LUZP1: variants seen among roughly 807,000 people sequenced by gnomAD.
LUZP1 encodes leucine zipper protein 1.
LUZP1 carries 25 observed loss-of-function variants against 71.3 expected under a neutral mutation model. The observed-to-expected ratio is 0.35, with a 90% CI of 0.26 to 0.49. The LOEUF (loss-of-function observed/expected upper bound fraction) is 0.49. Among genes scored for constraint, LUZP1 ranks in the 20% least tolerant of loss-of-function variants. The pLI, the probability that LUZP1 is intolerant of heterozygous loss-of-function variation, is 0.99. For synonymous variants in LUZP1, 481 were observed against 506.4 expected, an observed-to-expected ratio of 0.95 and a Z score of 0.67; for missense variants, 1,142 against 1,300.8, an observed-to-expected ratio of 0.88 and a Z score of 1.88.
At position 23,103,891 on chromosome 1, in the gene LUZP1, AGAGGGAGGGAGGGGGGAAG is replaced by A. The variant is rs1643956160; in HGVS notation, c.-120+5112_-120+5130del. ...GGGAGGGAGGGAGGGAGAGAGGGAG[AGAGGGAGGGAGGGGGGAAG>A]GAGGGAGGGAGGGGGGGAAGGAGGG... On this transcript the variant is annotated intron_variant, in intron 3 of 4. Transcript: ENST00000302291. Among the ~76,000 whole-genome samples, 6 of 7,252 alleles carry A rather than the reference AGAGGGAGGGAGGGGGGAAG, an allele frequency of 8.3e-4. 1 individual carries two copies. Among genetic ancestry groups the A allele is most frequent in the Admixed American group, 1.6e-3 (1 of 610 alleles). 4.8% of individuals were successfully genotyped at this position (7,252 alleles called of 152,430 possible).
exon 4 of LUZP1, chr1:23,091,840 C>T: frequency 6.2e-7 from 1 of 1,614,156 alleles, no homozygotes; most frequent in Admixed American, 1.7e-5. Context: ...CCCGGAGCAG[C>T]TCTGGGGCTG....
chr1:23,090,667 CTAAAA>C, intron 4 of LUZP1: 1 of 597,896 alleles, frequency 1.7e-6, no homozygotes, highest in Non-Finnish European at 3.0e-6. Flanking sequence ...ATACGCTTAT[CTAAAA>C]TAGGCCCAGT....
intron 2 of LUZP1, among the ~76,000 whole-genome samples, chr1:23,148,192 G>A (rs527336696): frequency 3.3e-5 from 5 of 152,226 alleles, no homozygotes; most frequent in South Asian, 2.1e-4. Flanking sequence ...GATAAAGACC[G>A]ACCCGGAACC....
intron 2 of LUZP1, among the ~76,000 whole-genome samples, chr1:23,150,507 G>C (rs995641601): frequency 3.3e-5 from 5 of 152,138 alleles, no homozygotes; most frequent in Non-Finnish European, 7.3e-5. Flanking sequence ...TAAGAACTTA[G>C]GACTTTGCTC....
chr1:23,084,541 T>A (rs1434453926), exon 5 of LUZP1: 1 of 152,186 alleles, frequency 6.6e-6, no homozygotes. Context: ...CCATATAAGA[T>A]GATAAAAACA....
At chr1:23,171,053 G>A (rs1041795567) in intron 1 of LUZP1, among the ~76,000 whole-genome samples, 6 of 149,582 alleles carry the variant, frequency 4.0e-5, no homozygotes, top group African/African-American at 1.2e-4. Context: ...TAATGCCACC[G>A]CACTACAGCC....
intron 2 of LUZP1, among the ~76,000 whole-genome samples, chr1:23,138,633 A>G (rs1438687389): frequency 1.3e-5 from 2 of 150,954 alleles, no homozygotes; most frequent in Non-Finnish European, 2.9e-5. Context: ...ATACACATAA[A>G]ATGATTTTTA....
chr1:23,166,048 C>CAAAAAAAAAAAAA (rs76454136), intron 2 of LUZP1, among the ~76,000 whole-genome samples: 1 of 98,534 alleles, frequency 1.0e-5, no homozygotes. Context: ...GTCTTTTTAC[C>CAAAAAAAAAAAAA]AAAAAAAAAA....
chr1:23,152,821 G>GT (rs1557685185), intron 2 of LUZP1, among the ~76,000 whole-genome samples: 2 of 152,056 alleles, frequency 1.3e-5, no homozygotes, highest in African/African-American at 2.4e-5. Context: ...GTGGGCCACC[G>GT]TTCCCGGCCA....
chr1:23,109,424 T>C (rs1052860460), intron 2 of LUZP1, among the ~76,000 whole-genome samples: 9 of 152,172 alleles, frequency 5.9e-5, no homozygotes, highest in African/African-American at 1.7e-4. Context: ...CGAACATTCC[T>C]CAACAGTCTA....
At chr1:23,139,019 A>AAAAAAAAAAAATAT (rs1317355746) in intron 2 of LUZP1, among the ~76,000 whole-genome samples, 11 of 59,948 alleles carry the variant, frequency 1.8e-4, no homozygotes, top group Non-Finnish European at 2.1e-4. Context: ...AAAAAAAAAA[A>AAAAAAAAAAAATAT]ATATATATAT....
intron 3 of LUZP1, among the ~76,000 whole-genome samples, chr1:23,101,941 T>C (rs555550811): frequency 6.6e-6 from 1 of 152,260 alleles, no homozygotes; most frequent in South Asian, 2.1e-4. Flanking sequence ...ATCATACAGA[T>C]ATAACCAATC....
chr1:23,089,779 A>G, intron 4 of LUZP1, among the ~76,000 whole-genome samples: 1 of 144,664 alleles, frequency 6.9e-6, no homozygotes, highest in African/African-American at 2.6e-5. Context: ...TCTTTTTTTG[A>G]GACGTCATTT....
At chr1:23,139,640 A>G (rs1459789855) in intron 2 of LUZP1, among the ~76,000 whole-genome samples, 1 of 152,184 alleles carries the variant, frequency 6.6e-6, no homozygotes, top group Non-Finnish European at 1.5e-5. Flanking sequence ...ACAAGTATAT[A>G]ATACATACAA....
chr1:23,113,633 G>A (rs1644052912), intron 2 of LUZP1, among the ~76,000 whole-genome samples: 1 of 152,128 alleles, frequency 6.6e-6, no homozygotes, highest in South Asian at 2.1e-4. Flanking sequence ...TGTAATCTCA[G>A]CACTTTGGGT....
At chr1:23,100,936 A>G (rs1267853398) in intron 3 of LUZP1, among the ~76,000 whole-genome samples, 1 of 152,246 alleles carries the variant, frequency 6.6e-6, no homozygotes, top group African/African-American at 2.4e-5. Context: ...GCAGTTTAGC[A>G]AAAGTCAAGG....
Position 23,093,478 on chromosome 1 carries a change from C to T in LUZP1, c.784G>A (p.Asp262Asn). ...TCATTCTCTACCTGCTTTAGGTAGT[C>T]CAGACCACCCTTCCTTCTTGATTCT... The change falls in exon 4 of 5, where the codon GAC (aspartate) becomes AAC (asparagine). Residue 262 changes from aspartate to asparagine, a missense_variant. Transcript: ENST00000302291. This position sits in a 1 kb window ranked among gnomAD's most constrained non-coding sequence, Gnocchi z 4.2. The T allele has an allele frequency of 1.2e-6, 2 of 1,612,740 alleles. No homozygotes were observed.
chr1:23,128,849 T>A (rs1225222364), intron 2 of LUZP1, among the ~76,000 whole-genome samples: 1 of 152,232 alleles, frequency 6.6e-6, no homozygotes, highest in East Asian at 1.9e-4. Flanking sequence ...ATTCAGAACA[T>A]TAGATGTCAG....
At position 23,172,274 on chromosome 1, in the gene LUZP1, G is replaced by C. The variant is rs115597226; in HGVS notation, c.-484-3250C>G. On this transcript the variant is annotated intron_variant, in intron 1 of 4. Transcript: ENST00000302291. The stretch of plus-strand genomic sequence containing the variant: ...GCATTGTTAAGTGAAAAGAGTAAGA[G>C]TAAGTTGCCGAATTACAAGTGTAGT... Among the ~76,000 whole-genome samples, 912 of 152,304 alleles carry C rather than the reference G, an allele frequency of 6.0e-3. 5 individuals are homozygous for C. Among genetic ancestry groups the C allele is most frequent in the Non-Finnish European group, 0.01 (695 of 68,022 alleles).
Sources: allele counts gnomAD v4.1 joint callset (sites outside exome capture counted in the v4.1 genomes callset), GRCh38; gene constraint gnomAD v4.1.1; non-coding constraint Gnocchi (gnomAD v3.1); transcripts MANE v1.5; gene names NCBI Gene and HGNC (gene_info 2026-07-23, HGNC 2026-07-21).